The following BRINP3 variants were observed in gnomAD, a reference collection of about 807,000 sequenced individuals.
The protein encoded by BRINP3 is BMP/retinoic acid inducible neural specific 3, also known as BMP/retinoic acid-inducible neural-specific protein 3.
BRINP3 carries 19 observed loss-of-function variants against 71.0 expected under a neutral mutation model. That is an observed-to-expected ratio of 0.27 (90% CI 0.19 to 0.39). The LOEUF is 0.39. Among genes scored for constraint, BRINP3 ranks in the 10% least tolerant of loss-of-function variants. The pLI, the probability that BRINP3 is intolerant of heterozygous loss-of-function variation, is 1.00. For synonymous variants in BRINP3, 380 were observed against 337.7 expected (o/e 1.13, Z -1.37); for missense variants, 959 against 940.8 (o/e 1.02, Z -0.25).
intron 2 of BRINP3, among the ~76,000 whole-genome samples, chr1:190,351,478 G>C (rs893376959): frequency 3.3e-5 from 5 of 152,080 alleles, no homozygotes; most frequent in Non-Finnish European, 7.4e-5. Flanking sequence ...AAATCTGGAA[G>C]AGAGGTACCC....
intron 7 of BRINP3, among the ~76,000 whole-genome samples, chr1:190,115,148 A>G (rs1653024096): frequency 6.6e-6 from 1 of 152,188 alleles, no homozygotes; most frequent in South Asian, 2.1e-4. Context: ...TCAATAAATT[A>G]TGGTAAAGAA....
chr1:190,335,282 G>T (rs1257008235), intron 2 of BRINP3, among the ~76,000 whole-genome samples: 1 of 151,808 alleles, frequency 6.6e-6, no homozygotes, highest in Non-Finnish European at 1.5e-5. Context: ...CACATTTTAG[G>T]ATATTTCTTC....
At chr1:190,368,147 G>A (rs538431490) in intron 2 of BRINP3, among the ~76,000 whole-genome samples, 1 of 152,098 alleles carries the variant, frequency 6.6e-6, no homozygotes, top group Admixed American at 6.6e-5. Flanking sequence ...AAGGAAAGGG[G>A]TTTAATTAAT....
intron 2 of BRINP3, among the ~76,000 whole-genome samples, chr1:190,352,924 T>C (rs1239591987): frequency 2.0e-5 from 3 of 151,738 alleles, no homozygotes; most frequent in African/African-American, 7.3e-5. Flanking sequence ...GCTATGAAAG[T>C]TAGAATTGTG....
intron 2 of BRINP3, among the ~76,000 whole-genome samples, chr1:190,442,662 G>A (rs1339290113): frequency 6.6e-6 from 1 of 152,040 alleles, no homozygotes; most frequent in Non-Finnish European, 1.5e-5. Flanking sequence ...ACGTGTGTGT[G>A]TGTGATTACG....
chr1:190,400,654 T>C (rs1315958801), intron 2 of BRINP3, among the ~76,000 whole-genome samples: 3 of 152,188 alleles, frequency 2.0e-5, no homozygotes, highest in Admixed American at 2.0e-4. Context: ...ATTTGTCACC[T>C]ATAAGCACCA....
intron 7 of BRINP3, among the ~76,000 whole-genome samples, chr1:190,117,408 A>G (rs1413956371): frequency 6.6e-6 from 1 of 152,004 alleles, no homozygotes; most frequent in East Asian, 1.9e-4. Flanking sequence ...TTAAATCACT[A>G]TTTATTATGA....
intron 6 of BRINP3, among the ~76,000 whole-genome samples, chr1:190,219,482 C>T (rs951184649): frequency 6.6e-6 from 1 of 151,828 alleles, no homozygotes; most frequent in Admixed American, 6.6e-5. Flanking sequence ...CATTAGAGGT[C>T]TCAACAGTAG....
At chr1:190,124,188 T>A (rs994419225) in intron 7 of BRINP3, among the ~76,000 whole-genome samples, 8 of 152,160 alleles carry the variant, frequency 5.3e-5, no homozygotes, top group African/African-American at 1.7e-4. Context: ...GTCTGATCCT[T>A]GAGAAAGTGG....
intron 2 of BRINP3, among the ~76,000 whole-genome samples, chr1:190,389,923 C>A (rs1490128465): frequency 6.6e-6 from 1 of 151,632 alleles, no homozygotes; most frequent in Non-Finnish European, 1.5e-5. Context: ...GTTTACTGTC[C>A]AAAAGTCCAG....
chr1:190,382,007 CAG>C (rs1670578183), intron 2 of BRINP3, among the ~76,000 whole-genome samples: 1 of 152,076 alleles, frequency 6.6e-6, no homozygotes. Flanking sequence ...ATGTACGAAA[CAG>C]ATACACATAT....
chr1:190,098,680 C>A lies in BRINP3; in HGVS notation c.1639G>T (p.Val547Phe). Residue 547 changes from valine to phenylalanine, a missense_variant, in exon 8 of 8, where the codon GTC becomes TTC. Coordinates refer to ENST00000367462, the MANE Select transcript of BRINP3 (RefSeq NM_199051.3). The part of the protein sequence containing the change: ...LKSNKYKSSL[V>F]HMILGLSLQI... Reference sequence around the variant, plus strand: ...AAAGAGAGACCCAAAATCATATGGACCAGACTTGACTTGTACTTATTGCTC... The same window carrying A: ...AAAGAGAGACCCAAAATCATATGGAACAGACTTGACTTGTACTTATTGCTC... The A allele has an allele frequency of 6.2e-7, 1 of 1,614,134 alleles. No homozygotes were observed. The highest frequency in any genetic ancestry group is 8.5e-7 in the Non-Finnish European group (1 of 1,180,030).
intron 2 of BRINP3, among the ~76,000 whole-genome samples, chr1:190,421,690 G>A (rs544703051): frequency 6.6e-6 from 1 of 151,514 alleles, no homozygotes; most frequent in Admixed American, 6.6e-5. Context: ...TTTGAATCCA[G>A]GCACCACCAC....
chr1:190,256,563 T>G (rs1448757085), intron 4 of BRINP3, among the ~76,000 whole-genome samples: 4 of 152,218 alleles, frequency 2.6e-5, no homozygotes, highest in Non-Finnish European at 5.9e-5. Context: ...CGTTAGTTGA[T>G]GCAGTTTCTT....
In BRINP3 at chr1:190,140,240, G is replaced by A. The variant is rs973767371; in HGVS notation, c.1184+20428C>T. On this transcript the variant is annotated intron_variant, in intron 7 of 7. Coordinates refer to ENST00000367462, the MANE Select transcript of BRINP3 (RefSeq NM_199051.3). Reference sequence around the variant, plus strand: ...TTGCAAATATTGTTCATGTTGAAGCGAATCTATACAAACACTTTTCACTAA... The same window carrying A: ...TTGCAAATATTGTTCATGTTGAAGCAAATCTATACAAACACTTTTCACTAA... 2.5e-4 allele frequency among the ~76,000 whole-genome samples: 38 copies of A among 152,168 alleles called. 1 individual carries two copies. The highest frequency in any genetic ancestry group is 9.7e-4 in the East Asian group (5 of 5,172).
At chr1:190,315,418 A>C (rs1665815351) in intron 2 of BRINP3, among the ~76,000 whole-genome samples, 1 of 152,132 alleles carries the variant, frequency 6.6e-6, no homozygotes, top group African/African-American at 2.4e-5. Flanking sequence ...AACTTTCAAA[A>C]GGCAGGGGTC....
In BRINP3 at chr1:190,245,252, T is replaced by A. The variant is rs190626114; in HGVS notation, c.619-10775A>T. ...TGTTCTGTCATTTCTTTTCTTTTTTTTTTTTCAGAAAAATAAATTGGCTTT... is the reference window on the plus strand; with the variant it reads ...TGTTCTGTCATTTCTTTTCTTTTTTATTTTTCAGAAAAATAAATTGGCTTT... On this transcript the variant is annotated intron_variant, in intron 4 of 7. Coordinates refer to ENST00000367462, the MANE Select transcript of BRINP3 (RefSeq NM_199051.3). 3.3e-3 allele frequency among the ~76,000 whole-genome samples: 500 copies of A among 151,406 alleles called. 4 individuals are homozygous for A. The highest frequency in any genetic ancestry group is 0.011 in the African/African-American group (463 of 41,404).
intron 3 of BRINP3, among the ~76,000 whole-genome samples, chr1:190,268,892 G>T (rs188635260): frequency 6.6e-6 from 1 of 151,946 alleles, no homozygotes; most frequent in Non-Finnish European, 1.5e-5. Context: ...TGACATGATC[G>T]ATTTTTTCTT....
At chr1:190,229,992 C>T (rs1657808249) in intron 5 of BRINP3, among the ~76,000 whole-genome samples, 1 of 151,672 alleles carries the variant, frequency 6.6e-6, no homozygotes, top group Non-Finnish European at 1.5e-5. Flanking sequence ...AAAGAAAAAT[C>T]AAGTGGCTAT....
Sources: gnomAD v4.1 joint callset for allele counts (sites outside exome capture counted in the v4.1 genomes callset) on GRCh38, gnomAD v4.1.1 for gene constraint, MANE v1.5 for transcripts, NCBI Gene and HGNC (gene_info 2026-07-23, HGNC 2026-07-21) for gene names.